Variants in ZCWPW2 observed in about 807,000 individuals in gnomAD.
The protein encoded by ZCWPW2 is zinc finger CW-type PWWP domain protein 2.
Under a neutral mutation model 46.6 loss-of-function variants are expected in ZCWPW2, and 45 were observed. That is an observed-to-expected ratio of 0.96 (90% CI 0.76 to 1.24). ZCWPW2 has a LOEUF of 1.24. ZCWPW2 is among the 50% of genes most tolerant of loss of function. ZCWPW2 has a pLI of 0.00. For missense variants in ZCWPW2, 429 were observed against 403.9 expected (o/e 1.06, Z -0.53); for synonymous variants, 152 against 137.1 (o/e 1.11, Z -0.76).
At chr3:28,476,083 C>A (rs964974183) in intron 4 of ZCWPW2, among the ~76,000 whole-genome samples, 1 of 150,826 alleles carries the variant, frequency 6.6e-6, no homozygotes, top group Non-Finnish European at 1.5e-5. Flanking sequence ...TCCTAACATT[C>A]ATTATATATT....
intron 2 of ZCWPW2, among the ~76,000 whole-genome samples, chr3:28,403,863 C>T (rs1304416160): frequency 6.6e-6 from 1 of 152,126 alleles, no homozygotes; most frequent in African/African-American, 2.4e-5. Flanking sequence ...GAAACTGGAT[C>T]CTCATCTCTC....
chr3:28,361,282 T>C lies in ZCWPW2; in HGVS notation c.-134+12079T>C, dbSNP rs142117140. On this transcript the variant is annotated intron_variant, in intron 1 of 9. Transcript: ENST00000383768. ...CCAGAACTACATAATAGGTAAAGGA[T>C]AGTCTCTTTCAACAAGTAGTCTTGA... 1.6e-3 allele frequency among the ~76,000 whole-genome samples: 246 copies of C among 152,312 alleles called. 3 individuals are homozygous for C. The highest frequency in any genetic ancestry group is 5.6e-3 in the African/African-American group (231 of 41,568).
Position 28,413,131 on chromosome 3 carries a change from G to A in ZCWPW2, c.63G>A (p.Val21=). Residue 21 remains valine (V), a synonymous_variant, in exon 3 of 10, where the codon GTG becomes GTA. Coordinates refer to ENST00000383768, the MANE Select transcript of ZCWPW2 (RefSeq NM_001040432.4). ...GTAACTATGCAATGGATTCCTCAGT[G>A]GAAAACATGTATGTAAACAAAGTGT... ...EYCNYAMDSS[V]ENMYVNKVWV... 6.2e-7 allele frequency: 1 copy of A among 1,613,010 alleles called. No homozygotes were observed. Among genetic ancestry groups the A allele is most frequent in the Non-Finnish European group, 8.5e-7 (1 of 1,179,396 alleles).
chr3:28,417,676 T>G (rs1246965834), intron 3 of ZCWPW2, among the ~76,000 whole-genome samples: 16 of 130,052 alleles, frequency 1.2e-4, no homozygotes, highest in African/African-American at 4.8e-4. Context: ...CATGATCAAG[T>G]GGGCTTCATC....
At chr3:28,523,894 C>T (rs1329517370) in intron 9 of ZCWPW2, among the ~76,000 whole-genome samples, 1 of 151,966 alleles carries the variant, frequency 6.6e-6, no homozygotes, top group East Asian at 1.9e-4. Context: ...GAATAATTCA[C>T]AAATTGAATA....
intron 1 of ZCWPW2, among the ~76,000 whole-genome samples, chr3:28,389,006 G>C (rs1321343345): frequency 6.6e-6 from 1 of 152,118 alleles, no homozygotes; most frequent in Non-Finnish European, 1.5e-5. Flanking sequence ...ATCCATCACA[G>C]CTCCCTTCTT....
chr3:28,470,881 G>T (rs1171047351), intron 4 of ZCWPW2, among the ~76,000 whole-genome samples: 1 of 151,908 alleles, frequency 6.6e-6, no homozygotes, highest in Non-Finnish European at 1.5e-5. Context: ...AAGAAAAAAA[G>T]AGATAAGACC....
chr3:28,410,269 A>T (rs1436291243), intron 2 of ZCWPW2, among the ~76,000 whole-genome samples: 3 of 152,110 alleles, frequency 2.0e-5, no homozygotes, highest in Non-Finnish European at 4.4e-5. Flanking sequence ...GGAGATTTTA[A>T]CATAGCCCTT....
chr3:28,410,903 A>G (rs976934592), intron 2 of ZCWPW2, among the ~76,000 whole-genome samples: 2 of 152,000 alleles, frequency 1.3e-5, no homozygotes, highest in African/African-American at 2.4e-5. Context: ...GGGCATAAAC[A>G]AACTTCAAAG....
At chr3:28,361,185 G>A (rs1227818462) in intron 1 of ZCWPW2, among the ~76,000 whole-genome samples, 4 of 152,132 alleles carry the variant, frequency 2.6e-5, no homozygotes, top group Non-Finnish European at 5.9e-5. Context: ...CAGACACACA[G>A]ACCAATGGAA....
chr3:28,498,354 T>G (rs1278870404), intron 6 of ZCWPW2, among the ~76,000 whole-genome samples: 6 of 151,908 alleles, frequency 3.9e-5, no homozygotes, highest in Admixed American at 1.3e-4. Context: ...GTTCTGCTAC[T>G]TCGTTGTTGT....
chr3:28,401,052 G>T (rs539008150), intron 2 of ZCWPW2, among the ~76,000 whole-genome samples: 46 of 151,972 alleles, frequency 3.0e-4, no homozygotes, highest in Middle Eastern at 6.8e-3. Flanking sequence ...GGTGGCAGGC[G>T]CCTGTAGTCC....
intron 4 of ZCWPW2, among the ~76,000 whole-genome samples, chr3:28,467,335 T>TA (rs1389860968): frequency 2.0e-5 from 3 of 150,038 alleles, no homozygotes; most frequent in Non-Finnish European, 4.4e-5. Flanking sequence ...AAGGGATATT[T>TA]AAAAAATATA....
Position 28,419,972 on chromosome 3 carries a change from C to T in ZCWPW2, c.332+6572C>T, listed in dbSNP as rs1319223449. 2.1e-5 allele frequency among the ~76,000 whole-genome samples: 3 copies of T among 142,042 alleles called. No individual in the cohort carries two copies. The East Asian group carries it at 6.3e-4, about 30-fold the overall frequency. The allele number at this position is 142,042 out of a possible 152,430, so 93.2% of individuals were successfully genotyped here. On this transcript the variant is annotated intron_variant, in intron 3 of 9. Coordinates refer to ENST00000383768, the MANE Select transcript of ZCWPW2 (RefSeq NM_001040432.4). ...ATAGCATTCGGAGATATACCTAACG[C>T]TAAATGACGAGTTAATGGGTGCAGC...
intron 4 of ZCWPW2, among the ~76,000 whole-genome samples, chr3:28,448,258 A>G (rs1221829936): frequency 6.6e-6 from 1 of 152,196 alleles, no homozygotes; most frequent in Non-Finnish European, 1.5e-5. Context: ...AGCAGGATTC[A>G]AATACAACAA....
chr3:28,383,503 A>G (rs1695169303), intron 1 of ZCWPW2, among the ~76,000 whole-genome samples: 1 of 152,070 alleles, frequency 6.6e-6, no homozygotes, highest in Admixed American at 6.6e-5. Flanking sequence ...AGCCTTTATG[A>G]AGGTTTTACC....
rs1028333143 is a variant in ZCWPW2, at chr3:28,462,041, A to G, written c.493-16773A>G. Among the ~76,000 whole-genome samples the G allele has an allele frequency of 3.9e-5, 6 of 152,060 alleles. 1 individual carries two copies. Among genetic ancestry groups the G allele is most frequent in the Admixed American group, 1.3e-4 (2 of 15,268 alleles). On this transcript the variant is annotated intron_variant, in intron 4 of 9. Coordinates refer to ENST00000383768, the MANE Select transcript of ZCWPW2 (RefSeq NM_001040432.4). ...TGCGAAAAGTAGTCAGGCCCCTTAC[A>G]TTCTCATATGTCAGGGGAGTTTTCT...
chr3:28,385,223 A>C (rs1484245534), intron 1 of ZCWPW2, among the ~76,000 whole-genome samples: 2 of 152,172 alleles, frequency 1.3e-5, no homozygotes, highest in Non-Finnish European at 2.9e-5. Context: ...TACTGGAGAA[A>C]GCTCAAAGGG....
rs1438174256 is a variant in ZCWPW2 at position 28,390,508 on chromosome 3, G to GT, written c.-122dup. Reference sequence around the variant, plus strand: ...GTATAACTTCTTCAGATTCATCCCAGTAGAACGCCTGCCTCTTTAGTGACT... The same window carrying GT: ...GTATAACTTCTTCAGATTCATCCCAGTTAGAACGCCTGCCTCTTTAGTGACT... On this transcript the variant is annotated 5_prime_UTR_variant, in exon 2 of 10. The change abolishes the stop of an existing upstream ORF in the 5' untranslated region. Transcript: ENST00000383768. 1.0e-6 allele frequency: 1 copy of GT among 985,208 alleles called. No individual in the cohort carries two copies. The highest frequency in any genetic ancestry group is 1.7e-5 in the African/African-American group (1 of 57,216). 61.0% of individuals were successfully genotyped at this position (985,208 alleles called of 1,614,324 possible). A position where few individuals can be genotyped will look rare whatever the true frequency, so the allele number is the denominator to read the frequency against.
Sources: gnomAD v4.1 joint callset for allele counts (sites outside exome capture counted in the v4.1 genomes callset) on GRCh38, gnomAD v4.1.1 for gene constraint, MANE v1.5 for transcripts, NCBI Gene and HGNC (gene_info 2026-07-23, HGNC 2026-07-21) for gene names.